Variants in ZBTB38 observed in about 807,000 individuals in gnomAD.
ZBTB38 encodes zinc finger and BTB domain containing 38, also known as zinc finger and BTB domain-containing protein 38.
In ZBTB38, 20 loss-of-function variants were observed where a neutral mutation model predicts 76.8. The observed-to-expected ratio is 0.26, with a 90% CI of 0.18 to 0.38. ZBTB38 has a LOEUF of 0.38. ZBTB38 is among the 10% of genes least tolerant of loss of function. The pLI is 1.00. For synonymous variants in ZBTB38, 504 were observed against 544.2 expected (o/e 0.93, Z 1.03); for missense variants, 1,082 against 1,482.3 (o/e 0.73, Z 4.43).
intron 1 of ZBTB38, among the ~76,000 whole-genome samples, chr3:141,346,829 C>G (rs1943377603): frequency 7.6e-6 from 1 of 131,682 alleles, no homozygotes; most frequent in Non-Finnish European, 1.7e-5. Context: ...GCAATGCTCA[C>G]ACATGAAGAA....
chr3:141,354,851 A>C (rs1031295392), intron 1 of ZBTB38, among the ~76,000 whole-genome samples: 1 of 151,988 alleles, frequency 6.6e-6, no homozygotes, highest in Non-Finnish European at 1.5e-5. Flanking sequence ...CACTGGGAGA[A>C]TGATGGGCAC....
At chr3:141,402,496 G>A (rs968692239) in intron 4 of ZBTB38, 1 of 148,082 alleles carries the variant, frequency 6.8e-6, no homozygotes, top group Admixed American at 6.6e-5. Flanking sequence ...GCGGGGCGGG[G>A]CGAGGCGCGG....
chr3:141,400,038 A>G lies in ZBTB38; in HGVS notation c.-105-3889A>G, dbSNP rs1017357578. ...AATGTATTGAAATGAGAAGTATTAT[A>G]AAGATAGAGGAAACACATCATGTTT... On this transcript the variant is annotated intron_variant, in intron 4 of 5. Coordinates refer to ENST00000321464, the MANE Select transcript of ZBTB38 (RefSeq NM_001376113.1). Among the ~76,000 whole-genome samples, 4 of 134,218 alleles carry G rather than the reference A, an allele frequency of 3.0e-5. No individual in the cohort carries two copies. The Admixed American group carries it at 3.4e-4, about 11-fold the overall frequency. 88.1% of individuals were successfully genotyped at this position (134,218 alleles called of 152,430 possible).
intron 5 of ZBTB38, among the ~76,000 whole-genome samples, chr3:141,409,961 C>T (rs1187860888): frequency 6.6e-6 from 1 of 152,192 alleles, no homozygotes; most frequent in East Asian, 1.9e-4. Context: ...GAAAGACATT[C>T]GTGAGAATCC....
rs754872291 is a variant in ZBTB38, at chr3:141,371,045, C to CTTTTTTTTTTTTTTTTTTTTTTTTTTTTT, written c.-235+1125_-235+1126insTTTTTTTTTTTTTTTTTTTTTTTTTTTTT. On this transcript the variant is annotated intron_variant, in intron 2 of 5. Transcript: ENST00000321464. ...GTTTTTTCTTTTCTTTTCTTTCTTT[C>CTTTTTTTTTTTTTTTTTTTTTTTTTTTTT]TTTTTTTTTTTTTTTTTTTTTTTTT... Among the ~76,000 whole-genome samples, 34 of 72,012 alleles carry CTTTTTTTTTTTTTTTTTTTTTTTTTTTTT rather than the reference C, an allele frequency of 4.7e-4. 6 individuals carry two copies. Among genetic ancestry groups the CTTTTTTTTTTTTTTTTTTTTTTTTTTTTT allele is most frequent in the African/African-American group, 1.2e-3 (16 of 12,860 alleles). The allele number at this position is 72,012 out of a possible 152,430, so 47.2% of individuals were successfully genotyped here.
chr3:141,414,391 C>G (rs2073446020), intron 5 of ZBTB38, among the ~76,000 whole-genome samples: 2 of 152,216 alleles, frequency 1.3e-5, no homozygotes, highest in Non-Finnish European at 2.9e-5. Flanking sequence ...GAGCGTTGGG[C>G]TTGAAGCTGT....
intron 5 of ZBTB38, among the ~76,000 whole-genome samples, chr3:141,418,584 G>A (rs73872722): frequency 0.062 from 9,443 of 152,202 alleles, 966 homozygotes; most frequent in African/African-American, 0.22. Flanking sequence ...AGAAATAAAA[G>A]ATTCAAAAAG....
rs756226566 is a variant in ZBTB38, at chr3:141,446,029, ATGATT to A, written c.*55_*59del. On this transcript the variant is annotated 3_prime_UTR_variant, in exon 6 of 6. Coordinates refer to ENST00000321464, the MANE Select transcript of ZBTB38 (RefSeq NM_001376113.1). ...AATATAGTTGGTGGTTTTTTTAGTT[ATGATT>A]TAAGTTTAGTTTCATTTTGTCCATG... is the stretch of plus-strand genomic sequence containing the variant. The A allele has an allele frequency of 4.4e-5, 64 of 1,451,448 alleles. No homozygotes were observed. The highest frequency in any genetic ancestry group is 5.5e-5 in the Non-Finnish European group (60 of 1,087,630). 89.9% of individuals were successfully genotyped at this position (1,451,448 alleles called of 1,614,324 possible).
In ZBTB38 at chr3:141,421,028, A is replaced by AT. The variant is rs554878163; in HGVS notation, c.-1+16997_-1+16998insT. The stretch of plus-strand genomic sequence containing the variant: ...AAGGAGAAGTTCAGGAAAAAAAAAA[A>AT]AAAAGTCTGTATATTATAAATAAAA... On this transcript the variant is annotated intron_variant, in intron 5 of 5. Coordinates refer to ENST00000321464, the MANE Select transcript of ZBTB38 (RefSeq NM_001376113.1). 6.2e-4 allele frequency among the ~76,000 whole-genome samples: 94 copies of AT among 152,114 alleles called. 1 individual carries two copies. The highest frequency in any genetic ancestry group is 2.1e-3 in the African/African-American group (88 of 41,536).
At chr3:141,380,780 G>A (rs1334382201) in intron 2 of ZBTB38, among the ~76,000 whole-genome samples, 1 of 152,188 alleles carries the variant, frequency 6.6e-6, no homozygotes, top group Non-Finnish European at 1.5e-5. Context: ...ACTGAGAAGA[G>A]GTGCATTGTT....
chr3:141,439,591 C>T (rs1011527348), intron 5 of ZBTB38, among the ~76,000 whole-genome samples: 1 of 152,194 alleles, frequency 6.6e-6, no homozygotes, highest in Non-Finnish European at 1.5e-5. Context: ...TGAGTCAGGA[C>T]ACCCTAGAGT....
Position 141,443,344 on chromosome 3 carries a change from C to T in ZBTB38, c.956C>T (p.Ser319Phe). 6.2e-7 allele frequency: 1 copy of T among 1,614,148 alleles called. No individual in the cohort carries two copies. Among genetic ancestry groups the T allele is most frequent in the Non-Finnish European group, 8.5e-7 (1 of 1,180,010 alleles). ...AACAATGAAGGAGATGTCCATTTTT[C>T]CAGGGAAGATGAAAATCAATCTTCT... The part of the protein sequence containing the change: ...SPNNEGDVHF[S>F]REDENQSSDV... Residue 319 changes from serine to phenylalanine, a missense_variant, in exon 6 of 6, where the codon TCC becomes TTC. By Grantham distance (155) the Ser-to-Phe change is radical. Around this residue, in one of 8 missense-constraint regions of ZBTB38, gnomAD observed 324 missense variants for 359.1 expected, o/e 0.90. Coordinates refer to ENST00000321464, the MANE Select transcript of ZBTB38 (RefSeq NM_001376113.1). The surrounding 1 kb of genome is among the most constrained non-coding windows in gnomAD (Gnocchi z 5.6).
rs1943739402 is a variant in ZBTB38, at chr3:141,358,868, A to G, written c.-738-9753A>G. On this transcript the variant is annotated intron_variant, in intron 1 of 7. Transcript: ENST00000509842. Reference sequence around the variant, plus strand: ...GGCTTCTTTGATTTGGCACAATACTACCACTAAAGGCTTGAACTACAGAAT... The same window carrying G: ...GGCTTCTTTGATTTGGCACAATACTGCCACTAAAGGCTTGAACTACAGAAT... 2.6e-5 allele frequency among the ~76,000 whole-genome samples: 4 copies of G among 152,194 alleles called. No individual in the cohort carries two copies. The South Asian group carries it at 8.3e-4, about 31-fold the overall frequency.
intron 3 of ZBTB38, among the ~76,000 whole-genome samples, chr3:141,382,079 T>C (rs1252191544): frequency 3.9e-5 from 6 of 152,190 alleles, no homozygotes; most frequent in Admixed American, 1.3e-4. Flanking sequence ...AGAAAAATAC[T>C]ATTTGTGAGT....
intron 1 of ZBTB38, among the ~76,000 whole-genome samples, chr3:141,335,478 TAAG>T (rs1942987578): frequency 6.6e-6 from 1 of 152,126 alleles, no homozygotes; most frequent in Non-Finnish European, 1.5e-5. Flanking sequence ...GAAAACAAAA[TAAG>T]AAGTGTGAAT....
At chr3:141,421,895 G>A (rs2075463319) in intron 5 of ZBTB38, among the ~76,000 whole-genome samples, 1 of 152,204 alleles carries the variant, frequency 6.6e-6, no homozygotes, top group African/African-American at 2.4e-5. Context: ...TGGCTACCTG[G>A]GACCCAGGAG....
At chr3:141,395,492 A>T (rs773610734) in intron 4 of ZBTB38, among the ~76,000 whole-genome samples, 21 of 152,228 alleles carry the variant, frequency 1.4e-4, no homozygotes, top group Non-Finnish European at 2.6e-4. Context: ...CATTTAGTTT[A>T]ACAGTGGGTC....
At chr3:141,349,418 C>T (rs924221446) in intron 1 of ZBTB38, among the ~76,000 whole-genome samples, 2 of 152,150 alleles carry the variant, frequency 1.3e-5, no homozygotes, top group African/African-American at 2.4e-5. Flanking sequence ...TAAATCACCA[C>T]AAGGTTAAAT....
chr3:141,376,782 C>CA lies in ZBTB38; in HGVS notation c.-234-4638dup, dbSNP rs556255013. 3.9e-5 allele frequency among the ~76,000 whole-genome samples: 6 copies of CA among 152,216 alleles called. No homozygotes were observed. The South Asian group carries it at 1.2e-3, about 32-fold the overall frequency. ...GCTTCCAAATCTCACCCACAGGAGA[C>CA]AAAAATAGGAGTTCCATGGCATCCA... On this transcript the variant is annotated intron_variant, in intron 2 of 5. Transcript: ENST00000321464.
Sources: allele counts gnomAD v4.1 joint callset (sites outside exome capture counted in the v4.1 genomes callset), GRCh38; gene constraint gnomAD v4.1.1; regional missense constraint gnomAD v4.1.1; non-coding constraint Gnocchi (gnomAD v3.1); transcripts MANE v1.5; gene names NCBI Gene and HGNC (gene_info 2026-07-23, HGNC 2026-07-21).